Variants in SMAP1 observed in about 807,000 individuals in gnomAD.
SMAP1 encodes stromal membrane-associated protein 1.
SMAP1 carries 24 observed loss-of-function variants against 58.5 expected under a neutral mutation model. The observed-to-expected ratio is 0.41, with a 90% CI of 0.30 to 0.58. The LOEUF (loss-of-function observed/expected upper bound fraction) is 0.58. Among genes scored for constraint, SMAP1 ranks in the 20% least tolerant of loss-of-function variants. The pLI is 0.29. For missense variants in SMAP1, 563 were observed against 566.3 expected (o/e 0.99, Z 0.06); for synonymous variants, 216 against 196.6 (o/e 1.10, Z -0.82).
chr6:70,681,940 C>T (rs1766727692), intron 1 of SMAP1, among the ~76,000 whole-genome samples: 1 of 151,906 alleles, frequency 6.6e-6, no homozygotes, highest in Non-Finnish European at 1.5e-5. Flanking sequence ...CTCTAAGAAG[C>T]AAGTGTGGCA....
chr6:70,770,421 C>T (rs998926130), intron 3 of SMAP1, among the ~76,000 whole-genome samples: 8 of 152,164 alleles, frequency 5.3e-5, no homozygotes, highest in African/African-American at 1.7e-4. Context: ...CACATAGTCC[C>T]ATATTTCTTG....
chr6:70,798,635 A>G (rs1405788042), intron 5 of SMAP1, 22 bp from the exon 6 acceptor site: 1 of 1,489,120 alleles, frequency 6.7e-7, no homozygotes, highest in Admixed American at 2.6e-5. Context: ...TAAACTTATC[A>G]AAACTTTGGG....
At chr6:70,668,773 T>C in intron 1 of SMAP1, 2 of 1,519,384 alleles carry the variant, frequency 1.3e-6, no homozygotes, top group Admixed American at 2.0e-5. Flanking sequence ...TTAGTAGTAG[T>C]ATTGTTTTTT....
At chr6:70,793,232 G>T (rs147420924) in intron 5 of SMAP1, among the ~76,000 whole-genome samples, 1 of 151,868 alleles carries the variant, frequency 6.6e-6, no homozygotes, top group Non-Finnish European at 1.5e-5. Context: ...ACAGGGTTTC[G>T]CCATGTTGGC....
intron 1 of SMAP1, among the ~76,000 whole-genome samples, chr6:70,687,617 T>C (rs955360375): frequency 6.6e-6 from 1 of 152,164 alleles, no homozygotes; most frequent in Non-Finnish European, 1.5e-5. Flanking sequence ...AATCAAAACA[T>C]ACATAGAGAA....
At chr6:70,756,936 A>G (rs1206313061) in intron 3 of SMAP1, among the ~76,000 whole-genome samples, 1 of 152,080 alleles carries the variant, frequency 6.6e-6, no homozygotes, top group Non-Finnish European at 1.5e-5. Context: ...GAAAATGGCC[A>G]TACTGCCCAA....
At chr6:70,732,312 T>TA (rs1765462585) in intron 1 of SMAP1, 66 bp from the exon 2 acceptor site, 2 of 1,495,644 alleles carry the variant, frequency 1.3e-6, no homozygotes, top group East Asian at 4.7e-5. Flanking sequence ...ATGCTTCTAA[T>TA]ATGCTGTTAT....
chr6:70,821,501 A>G (rs1769890089), intron 6 of SMAP1, among the ~76,000 whole-genome samples: 1 of 152,142 alleles, frequency 6.6e-6, no homozygotes, highest in South Asian at 2.1e-4. Context: ...TGTGCTAATC[A>G]AGAGTACAGA....
chr6:70,726,615 T>G (rs527686463), intron 1 of SMAP1, among the ~76,000 whole-genome samples: 77 of 152,304 alleles, frequency 5.1e-4, no homozygotes, highest in African/African-American at 1.6e-3. Context: ...AATCAGAAAC[T>G]GAAGAGAAAT....
chr6:70,860,481 G>T lies in SMAP1; in HGVS notation c.*147G>T. On this transcript the variant is annotated 3_prime_UTR_variant, in exon 11 of 11. Coordinates refer to ENST00000370455, the MANE Select transcript of SMAP1 (RefSeq NM_001044305.3). ...ATGATCTGATTGACCGTGTTGGTCTGTACTGATTCAATTTGATGTGGTGAA... is the reference window on the plus strand; with the variant it reads ...ATGATCTGATTGACCGTGTTGGTCTTTACTGATTCAATTTGATGTGGTGAA... The T allele has an allele frequency of 2.4e-6, 2 of 828,212 alleles. No homozygotes were observed. Among genetic ancestry groups the T allele is most frequent in the Non-Finnish European group, 3.4e-6 (2 of 594,418 alleles). 51.3% of individuals were successfully genotyped at this position (828,212 alleles called of 1,614,324 possible). A position where few individuals can be genotyped will look rare whatever the true frequency, so the allele number is the denominator to read the frequency against.
At chr6:70,784,041 G>A (rs1389058224) in intron 4 of SMAP1, among the ~76,000 whole-genome samples, 30 of 152,170 alleles carry the variant, frequency 2.0e-4, no homozygotes, top group Admixed American at 9.8e-4. Flanking sequence ...AATGTTAAGG[G>A]CAGCCAGAGA....
intron 4 of SMAP1, among the ~76,000 whole-genome samples, chr6:70,775,430 T>C (rs962972058): frequency 2.0e-5 from 3 of 152,100 alleles, no homozygotes; most frequent in Non-Finnish European, 4.4e-5. Flanking sequence ...TTGGGTTTTT[T>C]CCCCCCTTCA....
Position 70,860,448 on chromosome 6 carries a change from T to C in SMAP1, c.*114T>C. The stretch of plus-strand genomic sequence containing the variant: ...TTTTTTCTTTTTACCCATTTGTTCA[T>C]ATTAAGAATGATCTGATTGACCGTG... On this transcript the variant is annotated 3_prime_UTR_variant, in exon 11 of 11. Coordinates refer to ENST00000370455, the MANE Select transcript of SMAP1 (RefSeq NM_001044305.3). 7.9e-7 allele frequency: 1 copy of C among 1,259,304 alleles called. No individual in the cohort carries two copies. The highest frequency in any genetic ancestry group is 1.1e-6 in the Non-Finnish European group (1 of 923,786). 78.0% of individuals were successfully genotyped at this position (1,259,304 alleles called of 1,614,324 possible).
At chr6:70,847,715 A>C (rs1771044196) in intron 7 of SMAP1, among the ~76,000 whole-genome samples, 1 of 152,036 alleles carries the variant, frequency 6.6e-6, no homozygotes, top group African/African-American at 2.4e-5. Flanking sequence ...TTTATTGTCC[A>C]CCAGCTGTTT....
chr6:70,789,147 A>G (rs1768224690), intron 4 of SMAP1, among the ~76,000 whole-genome samples: 1 of 152,142 alleles, frequency 6.6e-6, no homozygotes, highest in Admixed American at 6.6e-5. Flanking sequence ...CACATAATGT[A>G]TATTACCCTG....
At chr6:70,680,931 C>G (rs1321831415) in intron 1 of SMAP1, among the ~76,000 whole-genome samples, 1 of 151,780 alleles carries the variant, frequency 6.6e-6, no homozygotes, top group Non-Finnish European at 1.5e-5. Context: ...GTTGGCCAGG[C>G]TGGTCTCGAA....
At chr6:70,782,527 C>A (rs1767804796) in intron 4 of SMAP1, among the ~76,000 whole-genome samples, 1 of 152,204 alleles carries the variant, frequency 6.6e-6, no homozygotes, top group African/African-American at 2.4e-5. Flanking sequence ...TGAGGCCTAG[C>A]TTCCCAGCCT....
chr6:70,766,648 C>T (rs1378094960), intron 3 of SMAP1, among the ~76,000 whole-genome samples: 1 of 151,902 alleles, frequency 6.6e-6, no homozygotes, highest in Non-Finnish European at 1.5e-5. Flanking sequence ...GGTTATTAGC[C>T]CTTTGTCAGA....
Position 70,771,221 on chromosome 6 carries a change from G to C in SMAP1, c.339-2129G>C, listed in dbSNP as rs557476159. Among the ~76,000 whole-genome samples the C allele has an allele frequency of 3.7e-3, 561 of 152,346 alleles. 1 individual carries two copies. The highest frequency in any genetic ancestry group is 0.02 in the Middle Eastern group (6 of 294). On this transcript the variant is annotated intron_variant, in intron 3 of 10. Transcript: ENST00000370455. ...AGGGGTCAGGGACCCACTTGAGGAG[G>C]CAGTCTGCCCATTCTCAGATCTCCA...
Sources: gnomAD v4.1 joint callset for allele counts (sites outside exome capture counted in the v4.1 genomes callset) on GRCh38, gnomAD v4.1.1 for gene constraint, MANE v1.5 for transcripts, NCBI Gene and HGNC (gene_info 2026-07-23, HGNC 2026-07-21) for gene names.